Variants in DNAAF4 observed in about 807,000 individuals in gnomAD.
The protein encoded by DNAAF4 is dynein axonemal assembly factor 4.
A neutral mutation model predicts 51.8 loss-of-function variants in DNAAF4; 43 were observed. The ratio of observed to expected loss-of-function variants is 0.83; its 90% CI spans 0.65 to 1.07. The LOEUF (loss-of-function observed/expected upper bound fraction) is 1.07, where lower values mean the gene tolerates loss of function less well. DNAAF4 is among the 50% of genes least tolerant of loss of function. DNAAF4 has a pLI of 0.00. For missense variants in DNAAF4, 581 were observed against 493.0 expected, an observed-to-expected ratio of 1.18 and a Z score of -1.69; for synonymous variants, 194 against 165.6, an observed-to-expected ratio of 1.17 and a Z score of -1.32.
intron 4 of DNAAF4, among the ~76,000 whole-genome samples, chr15:55,477,868 T>C (rs2058357240): frequency 6.8e-6 from 1 of 148,138 alleles, no homozygotes; most frequent in Non-Finnish European, 1.5e-5. Context: ...GAATTTGAGA[T>C]CCATCTGGCC....
intron 4 of DNAAF4, among the ~76,000 whole-genome samples, chr15:55,475,955 T>C (rs2058329458): frequency 6.6e-6 from 1 of 152,184 alleles, no homozygotes; most frequent in Non-Finnish European, 1.5e-5. Flanking sequence ...GGATGCATGG[T>C]GACCCTATCA....
chr15:55,488,524 G>C (rs1338093577), intron 4 of DNAAF4, among the ~76,000 whole-genome samples: 1 of 152,110 alleles, frequency 6.6e-6, no homozygotes, highest in Non-Finnish European at 1.5e-5. Flanking sequence ...TTTGCTACGG[G>C]TACATAGTAC....
chr15:55,489,012 C>A (rs906578948), intron 4 of DNAAF4, among the ~76,000 whole-genome samples: 1 of 151,886 alleles, frequency 6.6e-6, no homozygotes, highest in African/African-American at 2.4e-5. Context: ...TGGTGTGAAC[C>A]CAGGATGCAG....
chr15:55,497,046 ATTC>A (rs1220089953), intron 3 of DNAAF4, among the ~76,000 whole-genome samples: 5 of 152,074 alleles, frequency 3.3e-5, no homozygotes, highest in African/African-American at 1.2e-4. Flanking sequence ...TTTCCTATCT[ATTC>A]TTCTAAGGAT....
intron 1 of DNAAF4, among the ~76,000 whole-genome samples, chr15:55,506,647 T>C (rs1209403379): frequency 6.6e-6 from 1 of 152,118 alleles, no homozygotes; most frequent in Non-Finnish European, 1.5e-5. Context: ...CTAGGAAACA[T>C]TTATAGGTGT....
chr15:55,447,477 C>A (rs1567010026), intron 6 of DNAAF4, among the ~76,000 whole-genome samples: 2 of 151,804 alleles, frequency 1.3e-5, no homozygotes, highest in Admixed American at 1.3e-4. Flanking sequence ...GCACTCCAGT[C>A]TGGGCAACAT....
intron 5 of DNAAF4, among the ~76,000 whole-genome samples, chr15:55,452,829 A>G (rs2057956437): frequency 1.3e-5 from 2 of 152,224 alleles, no homozygotes; most frequent in Non-Finnish European, 1.5e-5. Flanking sequence ...ATTAATATCA[A>G]TGGCTGGAGA....
intron 8 of DNAAF4, among the ~76,000 whole-genome samples, chr15:55,433,811 T>A (rs1350976815): frequency 4.5e-5 from 4 of 88,756 alleles, no homozygotes; most frequent in Non-Finnish European, 6.4e-5. Context: ...TTTATATATA[T>A]AATATATATT....
At chr15:55,484,541 T>C (rs1045371886) in intron 4 of DNAAF4, among the ~76,000 whole-genome samples, 1 of 151,704 alleles carries the variant, frequency 6.6e-6, no homozygotes, top group African/African-American at 2.4e-5. Flanking sequence ...CTATATCCAC[T>C]TCTAGATACA....
chr15:55,429,003 C>T (rs1400572842), downstream of DNAAF4, among the ~76,000 whole-genome samples: 3 of 151,762 alleles, frequency 2.0e-5, no homozygotes, highest in East Asian at 2.0e-4. Flanking sequence ...AGGCAGACCA[C>T]TTGAGGTCAG....
At chr15:55,474,024 T>A (rs1458931232) in intron 4 of DNAAF4, among the ~76,000 whole-genome samples, 1 of 151,812 alleles carries the variant, frequency 6.6e-6, no homozygotes, top group Non-Finnish European at 1.5e-5. Flanking sequence ...AAAGAAATAT[T>A]AGAAATATTT....
At chr15:55,458,930 G>C (rs910575870) in intron 5 of DNAAF4, among the ~76,000 whole-genome samples, 1 of 152,036 alleles carries the variant, frequency 6.6e-6, no homozygotes, top group Admixed American at 6.6e-5. Context: ...ACAAAAATCA[G>C]CCAGGCGTGG....
At chr15:55,459,229 G>C (rs191563534) in intron 5 of DNAAF4, among the ~76,000 whole-genome samples, 12 of 152,136 alleles carry the variant, frequency 7.9e-5, no homozygotes, top group Non-Finnish European at 1.6e-4. Context: ...ATAATTATCC[G>C]CTAAGAGTTT....
At chr15:55,433,137 T>A (rs2057522917) in intron 8 of DNAAF4, among the ~76,000 whole-genome samples, 1 of 151,686 alleles carries the variant, frequency 6.6e-6, no homozygotes, top group Admixed American at 6.6e-5. Context: ...CTGTCTCTAC[T>A]AAAAATACTT....
intron 6 of DNAAF4, among the ~76,000 whole-genome samples, chr15:55,440,065 ATTT>A (rs539658755): frequency 6.8e-6 from 1 of 147,092 alleles, no homozygotes. Flanking sequence ...GATGGTGGTA[ATTT>A]TTTTTTTTTA....
intron 8 of DNAAF4, among the ~76,000 whole-genome samples, chr15:55,433,986 AAT>A (rs1419556424): frequency 1.8e-4 from 10 of 55,022 alleles, no homozygotes; most frequent in Admixed American, 3.8e-4. Flanking sequence ...TATTATATAT[AAT>A]ATATATAATA....
intron 4 of DNAAF4, among the ~76,000 whole-genome samples, chr15:55,469,931 A>G (rs1258746039): frequency 6.6e-6 from 1 of 152,214 alleles, no homozygotes; most frequent in Non-Finnish European, 1.5e-5. Context: ...TCATAAGTCC[A>G]GGACTCCCAT....
chr15:55,486,240 C>T lies in DNAAF4; in HGVS notation c.405+4883G>A, dbSNP rs552702888. ...GAAGTTTCACTCTTTGTTACCCAGG[C>T]GGGAGTGCAATGGCATGATCTCAGC... On this transcript the variant is annotated intron_variant, in intron 4 of 9. Transcript: ENST00000321149. Among the ~76,000 whole-genome samples, 10 of 149,284 alleles carry T rather than the reference C, an allele frequency of 6.7e-5. 1 individual carries two copies. Among genetic ancestry groups the T allele is most frequent in the Admixed American group, 2.7e-4 (4 of 14,936 alleles).
chr15:55,457,202 CAG>C (rs1422656224), intron 5 of DNAAF4, among the ~76,000 whole-genome samples: 1 of 152,132 alleles, frequency 6.6e-6, no homozygotes, highest in African/African-American at 2.4e-5. Context: ...GATATAAACG[CAG>C]TGCGGTTGGG....
Sources: gnomAD v4.1 joint callset for allele counts (sites outside exome capture counted in the v4.1 genomes callset) on GRCh38, gnomAD v4.1.1 for gene constraint, MANE v1.5 for transcripts, NCBI Gene and HGNC (gene_info 2026-07-23, HGNC 2026-07-21) for gene names.